Variants in BBS9 observed in about 807,000 individuals in gnomAD.
The protein encoded by BBS9 is protein PTHB1.
BBS9 carries 89 observed loss-of-function variants against 117.7 expected under a neutral mutation model. The ratio of observed to expected loss-of-function variants is 0.76; its 90% CI spans 0.64 to 0.90. The LOEUF is 0.90. Among genes scored for constraint, BBS9 ranks in the 40% least tolerant of loss-of-function variants. BBS9 has a pLI of 0.00. For synonymous variants in BBS9, 379 were observed against 370.9 expected, an observed-to-expected ratio of 1.02 and a Z score of -0.25; for missense variants, 982 against 1,042.2, an observed-to-expected ratio of 0.94 and a Z score of 0.80.
chr7:33,307,285 T>A (rs554155175), intron 9 of BBS9, among the ~76,000 whole-genome samples: 1 of 152,302 alleles, frequency 6.6e-6, no homozygotes, highest in East Asian at 1.9e-4. Context: ...CCTGTTGTAA[T>A]AGTGGTAGCA....
chr7:33,510,379 T>A (rs185295414), intron 20 of BBS9, among the ~76,000 whole-genome samples: 14 of 151,970 alleles, frequency 9.2e-5, no homozygotes, highest in African/African-American at 3.4e-4. Context: ...CTGGTTTGAG[T>A]CTGAGAGAGT....
chr7:33,480,107 T>G (rs758354582), intron 19 of BBS9, among the ~76,000 whole-genome samples: 5 of 152,168 alleles, frequency 3.3e-5, no homozygotes, highest in African/African-American at 9.7e-5. Flanking sequence ...CATATAGCAA[T>G]GCTCAGTAAG....
chr7:33,492,626 T>C (rs1844145509), intron 19 of BBS9, among the ~76,000 whole-genome samples: 1 of 152,196 alleles, frequency 6.6e-6, no homozygotes, highest in Non-Finnish European at 1.5e-5. Context: ...ACTTGAATGT[T>C]GTTCTGAACC....
intron 9 of BBS9, among the ~76,000 whole-genome samples, chr7:33,336,077 C>G (rs879680668): frequency 3.3e-5 from 5 of 152,088 alleles, no homozygotes; most frequent in Admixed American, 6.6e-5. Context: ...CATTGTACCT[C>G]CAAAGTGTTG....
chr7:33,559,861 C>T (rs1490654189), intron 21 of BBS9, among the ~76,000 whole-genome samples: 3 of 152,110 alleles, frequency 2.0e-5, no homozygotes, highest in African/African-American at 7.2e-5. Context: ...TCTGCAGCTT[C>T]CAGAAGGATG....
intron 4 of BBS9, among the ~76,000 whole-genome samples, chr7:33,173,027 A>T (rs1053511192): frequency 6.6e-6 from 1 of 152,208 alleles, no homozygotes; most frequent in African/African-American, 2.4e-5. Context: ...AAGATAGCCA[A>T]TGAAATTCCA....
chr7:33,354,637 A>T (rs1819303236), intron 15 of BBS9, among the ~76,000 whole-genome samples: 3 of 152,034 alleles, frequency 2.0e-5, no homozygotes, highest in Admixed American at 2.0e-4. Context: ...TGGTTATTTT[A>T]TTCATATATA....
intron 4 of BBS9, among the ~76,000 whole-genome samples, chr7:33,165,443 C>T (rs1420950738): frequency 6.6e-6 from 1 of 152,076 alleles, no homozygotes; most frequent in Non-Finnish European, 1.5e-5. Flanking sequence ...TGGTTCCATT[C>T]TCCCCATCAC....
chr7:33,402,963 T>C (rs182100012), intron 19 of BBS9, among the ~76,000 whole-genome samples: 195 of 152,234 alleles, frequency 1.3e-3, no homozygotes, highest in Middle Eastern at 0.01. Context: ...GTTTTCTGTT[T>C]GTGTGAGTTA....
intron 19 of BBS9, among the ~76,000 whole-genome samples, chr7:33,389,687 T>TAAAAA (rs5883400): frequency 0.016 from 1,473 of 91,852 alleles, 22 homozygotes; most frequent in African/African-American, 0.029. Flanking sequence ...AGACTCCATC[T>TAAAAA]AAAAAAAAAA....
intron 20 of BBS9, among the ~76,000 whole-genome samples, chr7:33,520,501 C>T (rs1194391854): frequency 2.0e-5 from 3 of 152,066 alleles, no homozygotes; most frequent in South Asian, 4.1e-4. Flanking sequence ...AAAATATTGT[C>T]CTGGTTTTTT....
chr7:33,462,889 G>T (rs1584916719), intron 19 of BBS9, among the ~76,000 whole-genome samples: 1 of 152,050 alleles, frequency 6.6e-6, no homozygotes, highest in African/African-American at 2.4e-5. Context: ...TTAAAAAATG[G>T]ATATTTAAAG....
intron 19 of BBS9, among the ~76,000 whole-genome samples, chr7:33,428,029 C>T (rs1415092244): frequency 3.9e-5 from 6 of 152,092 alleles, no homozygotes; most frequent in Admixed American, 6.5e-5. Context: ...TCCCCTCCAC[C>T]GTCTGCCAAA....
At chr7:33,523,359 A>G in intron 20 of BBS9, among the ~76,000 whole-genome samples, 2 of 90,190 alleles carry the variant, frequency 2.2e-5, no homozygotes, top group African/African-American at 5.1e-5. Flanking sequence ...TTTTCACGAT[A>G]TTGATTCTTC....
chr7:33,259,093 T>A (rs1797553203), intron 6 of BBS9, among the ~76,000 whole-genome samples: 1 of 152,234 alleles, frequency 6.6e-6, no homozygotes, highest in Admixed American at 6.5e-5. Context: ...TTTAATAGAT[T>A]ATATTAAATG....
chr7:33,489,205 G>C (rs2128990935), intron 19 of BBS9, among the ~76,000 whole-genome samples: 1 of 151,844 alleles, frequency 6.6e-6, no homozygotes, highest in South Asian at 2.1e-4. Context: ...TGTTGGCCAG[G>C]CTGGTCTGGA....
chr7:33,606,821 G>A (rs990702548), downstream of BBS9, among the ~76,000 whole-genome samples: 2 of 151,968 alleles, frequency 1.3e-5, no homozygotes. Flanking sequence ...TGTACTTTTA[G>A]CCCTATTTTC....
At chr7:33,212,814 A>T (rs539177238) in intron 5 of BBS9, among the ~76,000 whole-genome samples, 1 of 152,292 alleles carries the variant, frequency 6.6e-6, no homozygotes, top group Non-Finnish European at 1.5e-5. Context: ...TCTCTGGAAT[A>T]CGAGGCAGAG....
rs564855201 is a variant in BBS9 at position 33,362,036 on chromosome 7, T to C, written c.1693+4041T>C. ...ACTGCCAAAAGTTTCCTTTTGTCTA[T>C]TAGTAATTCCTTATCCTGCATCCCA... On this transcript the variant is annotated intron_variant, in intron 16 of 22. Transcript: ENST00000242067. Among the ~76,000 whole-genome samples, 66 of 152,284 alleles carry C rather than the reference T, an allele frequency of 4.3e-4. 1 individual carries two copies. The highest frequency in any genetic ancestry group is 9.4e-4 in the African/African-American group (39 of 41,574).
Sources: gnomAD v4.1 joint callset for allele counts (sites outside exome capture counted in the v4.1 genomes callset) on GRCh38, gnomAD v4.1.1 for gene constraint, MANE v1.5 for transcripts, NCBI Gene and HGNC (gene_info 2026-07-23, HGNC 2026-07-21) for gene names.